DRGX: variants seen among roughly 807,000 people sequenced by gnomAD.
The protein encoded by DRGX is dorsal root ganglia homeobox protein.
In DRGX, 21 loss-of-function variants were observed where a neutral mutation model predicts 28.6. The ratio of observed to expected loss-of-function variants is 0.73; its 90% CI spans 0.52 to 1.06. The LOEUF is 1.06. DRGX is among the 50% of genes least tolerant of loss of function. The pLI is 0.00. For synonymous variants in DRGX, 136 were observed against 139.1 expected (o/e 0.98, Z 0.16); for missense variants, 354 against 343.9 (o/e 1.03, Z -0.23).
intron 6 of DRGX, among the ~76,000 whole-genome samples, chr10:49,381,135 A>G (rs890905428): frequency 2.6e-5 from 4 of 152,238 alleles, no homozygotes; most frequent in Non-Finnish European, 5.9e-5. Context: ...CTGCTTCAGA[A>G]TTAAAGGAGA....
At chr10:49,395,607 T>C (rs1590373996) in intron 1 of DRGX, 86 bp from the exon 2 acceptor site, 1 of 775,136 alleles carries the variant, frequency 1.3e-6, no homozygotes, top group East Asian at 2.7e-5. Context: ...GCTCCCCTCC[T>C]GGAAAGTCCC....
chr10:49,386,965 C>T (rs1157547372), intron 4 of DRGX, 107 bp from the exon 5 acceptor site: 3 of 1,306,326 alleles, frequency 2.3e-6, no homozygotes, highest in African/African-American at 3.0e-5. Flanking sequence ...AGCCTCCTCT[C>T]CACACCATGC....
chr10:49,389,907 C>A (rs957664249), intron 4 of DRGX, among the ~76,000 whole-genome samples: 4 of 150,922 alleles, frequency 2.7e-5, no homozygotes, highest in Non-Finnish European at 2.9e-5. Context: ...CTTAGAGACG[C>A]GGACAAATTA....
intron 6 of DRGX, among the ~76,000 whole-genome samples, chr10:49,381,839 C>T (rs377575179): frequency 6.6e-6 from 1 of 152,216 alleles, no homozygotes; most frequent in East Asian, 1.9e-4. Flanking sequence ...GAGATGTTTG[C>T]TATCTTTGGT....
rs1251315593 is a variant in DRGX, at chr10:49,365,990, C to A, written c.*126G>T. ...GGAGCTGTGGGTCTCACTTGCCCGTCCTGGGTCCATGCAGAGGCCCTGGGG... is the reference window on the plus strand; with the variant it reads ...GGAGCTGTGGGTCTCACTTGCCCGTACTGGGTCCATGCAGAGGCCCTGGGG... On this transcript the variant is annotated 3_prime_UTR_variant, in exon 7 of 7. Coordinates refer to ENST00000374139, the MANE Select transcript of DRGX (RefSeq NM_001276451.2). 6 of 1,229,890 alleles carry A rather than the reference C, an allele frequency of 4.9e-6. No individual in the cohort carries two copies. The highest frequency in any genetic ancestry group is 2.9e-4 in the Middle Eastern group (1 of 3,488). The allele number at this position is 1,229,890 out of a possible 1,614,324, so 76.2% of individuals were successfully genotyped here.
intron 6 of DRGX, among the ~76,000 whole-genome samples, chr10:49,378,091 G>A (rs1215318146): frequency 1.3e-5 from 2 of 151,930 alleles, no homozygotes; most frequent in Non-Finnish European, 2.9e-5. Context: ...CATCCTACTA[G>A]TATATTGAGA....
chr10:49,366,905 T>G (rs1849607799), intron 6 of DRGX, among the ~76,000 whole-genome samples: 1 of 152,234 alleles, frequency 6.6e-6, no homozygotes, highest in Non-Finnish European at 1.5e-5. Flanking sequence ...GTCAAGAATT[T>G]TATTGCTTTG....
At chr10:49,374,292 G>A (rs1421292590) in intron 6 of DRGX, among the ~76,000 whole-genome samples, 9 of 152,170 alleles carry the variant, frequency 5.9e-5, no homozygotes, top group Admixed American at 6.5e-5. Flanking sequence ...AATGGCCTCC[G>A]CCTGCACTCA....
intron 6 of DRGX, among the ~76,000 whole-genome samples, chr10:49,385,314 G>A (rs915177211): frequency 2.0e-5 from 3 of 152,144 alleles, no homozygotes; most frequent in Non-Finnish European, 4.4e-5. Flanking sequence ...AGGCTAAAAG[G>A]GCTCCACCTC....
At chr10:49,392,930 CAGATATGAGTATCATA>C (rs1849925895) in intron 2 of DRGX, among the ~76,000 whole-genome samples, 1 of 152,126 alleles carries the variant, frequency 6.6e-6, no homozygotes, top group African/African-American at 2.4e-5. Context: ...ACACCCAGTA[CAGATATGAGTATCATA>C]AGATGTGCAG....
At position 49,386,842 on chromosome 10, in the gene DRGX, C is replaced by CT; in HGVS notation, c.250dup (p.Arg84LysfsTer46). 1 of 1,565,580 alleles carries CT rather than the reference C, an allele frequency of 6.4e-7. No homozygotes were observed. The highest frequency in any genetic ancestry group is 8.6e-7 in the Non-Finnish European group (1 of 1,161,760). On this transcript the variant is annotated frameshift_variant, in exon 5 of 7. Coordinates refer to ENST00000374139, the MANE Select transcript of DRGX (RefSeq NM_001276451.2). LOFTEE classifies it high-confidence loss of function. ...CTCTGTCTTCCTCCATTTGGCCCTT[C>CT]TGTTCTGGAACCAAACCTGAATCCC...
At chr10:49,378,849 C>T (rs2132476384) in intron 6 of DRGX, among the ~76,000 whole-genome samples, 1 of 152,146 alleles carries the variant, frequency 6.6e-6, no homozygotes, top group Non-Finnish European at 1.5e-5. Context: ...CTGTAAGACT[C>T]CATGTATATG....
chr10:49,375,907 C>G (rs1849711733), intron 6 of DRGX, among the ~76,000 whole-genome samples: 1 of 152,146 alleles, frequency 6.6e-6, no homozygotes, highest in African/African-American at 2.4e-5. Flanking sequence ...CCTCTGGCAC[C>G]AGCCAGACCC....
chr10:49,365,665 G>T lies in DRGX; in HGVS notation c.*451C>A, dbSNP rs1347173879. 2 of 154,956 alleles carry T rather than the reference G, an allele frequency of 1.3e-5. No homozygotes were observed. The highest frequency in any genetic ancestry group is 1.3e-4 in the Admixed American group (2 of 15,338). 9.6% of individuals were successfully genotyped at this position (154,956 alleles called of 1,614,324 possible). A position where few individuals can be genotyped will look rare whatever the true frequency, so the allele number is the denominator to read the frequency against. Reference sequence around the variant, plus strand: ...GCAAGAGTCGCTTGGGGTTCCACCAGTTCCCCAGTTCTTAAACACTGTAAG... The same window carrying T: ...GCAAGAGTCGCTTGGGGTTCCACCATTTCCCCAGTTCTTAAACACTGTAAG... On this transcript the variant is annotated 3_prime_UTR_variant, in exon 7 of 7. Transcript: ENST00000374139.
intron 4 of DRGX, among the ~76,000 whole-genome samples, chr10:49,387,662 C>CAAA (rs11309652): frequency 1.5e-3 from 175 of 119,308 alleles, no homozygotes; most frequent in African/African-American, 5.5e-3. Context: ...GACTCCATCA[C>CAAA]AAAAAAAAAA....
chr10:49,391,170 A>G lies in DRGX; in HGVS notation c.126T>C (p.Leu42=). 2 of 1,613,638 alleles carry G rather than the reference A, an allele frequency of 1.2e-6. No individual in the cohort carries two copies. The highest frequency in any genetic ancestry group is 3.3e-5 in the Admixed American group (2 of 60,016). The change falls in exon 3 of 7, where the codon CTT becomes CTC. Residue 42 remains leucine, a synonymous_variant. Transcript: ENST00000374139. ...GGAGAATCAACGTTGGTACCTGCTG[A>G]AGAGTGAACGTCGTCCGGTTCCGGC... The part of the protein sequence containing the change: ...KQRRNRTTFT[L]QQLEALEAVF...
At chr10:49,367,249 C>T (rs1486456515) in intron 6 of DRGX, among the ~76,000 whole-genome samples, 2 of 152,026 alleles carry the variant, frequency 1.3e-5, no homozygotes, top group Non-Finnish European at 1.5e-5. Flanking sequence ...GATAGTCCTA[C>T]CTACTTGGAA....
rs80274357 is a variant in DRGX at position 49,365,923 on chromosome 10, G to A, written c.*193C>T. 8,562 of 545,750 alleles carry A rather than the reference G, an allele frequency of 0.016. 325 individuals carry two copies. The highest frequency in any genetic ancestry group is 0.1 in the African/African-American group (5,370 of 51,650). The allele number at this position is 545,750 out of a possible 1,614,324, so 33.8% of individuals were successfully genotyped here. The stretch of plus-strand genomic sequence containing the variant: ...TTGCCAAAGAAGCCAGGACAACACT[G>A]CCGCACTGGTGGGACTCCAGAGGGA... On this transcript the variant is annotated 3_prime_UTR_variant, in exon 7 of 7. Coordinates refer to ENST00000374139, the MANE Select transcript of DRGX (RefSeq NM_001276451.2).
chr10:49,389,232 C>T (rs1210275488), intron 4 of DRGX, among the ~76,000 whole-genome samples: 1 of 152,120 alleles, frequency 6.6e-6, no homozygotes, highest in Admixed American at 6.5e-5. Context: ...TTTACAACCC[C>T]CAATTTACTG....
Sources: allele counts gnomAD v4.1 joint callset (sites outside exome capture counted in the v4.1 genomes callset), GRCh38; gene constraint gnomAD v4.1.1; transcripts MANE v1.5; gene names NCBI Gene and HGNC (gene_info 2026-07-23, HGNC 2026-07-21).